The following ITGAM variants were observed in gnomAD, a reference collection of about 807,000 sequenced individuals.
ITGAM encodes integrin subunit alpha M, also known as integrin alpha-M.
A neutral mutation model predicts 137.5 loss-of-function variants in ITGAM; 79 were observed. The ratio of observed to expected loss-of-function variants is 0.57; its 90% CI spans 0.48 to 0.69. The LOEUF (loss-of-function observed/expected upper bound fraction) is 0.69. Ranked by LOEUF, ITGAM falls within the 30% of genes least tolerant of loss-of-function variation. The pLI, the probability that ITGAM is intolerant of heterozygous loss-of-function variation, is 0.00. For synonymous variants in ITGAM, 583 were observed against 592.3 expected, an observed-to-expected ratio of 0.98 and a Z score of 0.23; for missense variants, 1,343 against 1,483.5, an observed-to-expected ratio of 0.91 and a Z score of 1.56.
intron 14 of ITGAM, among the ~76,000 whole-genome samples, chr16:31,304,583 T>C (rs1016445037): frequency 2.6e-5 from 4 of 152,220 alleles, no homozygotes; most frequent in Admixed American, 6.5e-5. Context: ...AGAATTGTTA[T>C]GGTTTCAGGT....
At chr16:31,268,505 T>C (rs1021047191) in intron 5 of ITGAM, among the ~76,000 whole-genome samples, 3 of 151,976 alleles carry the variant, frequency 2.0e-5, no homozygotes, top group Non-Finnish European at 2.9e-5. Context: ...CTACAAAAAA[T>C]GCAATTAGCC....
chr16:31,298,421 AT>A (rs955968143), intron 14 of ITGAM, among the ~76,000 whole-genome samples: 23 of 152,254 alleles, frequency 1.5e-4, no homozygotes, highest in African/African-American at 5.1e-4. Context: ...ATTCACAGAA[AT>A]CTCAAAGACT....
At chr16:31,297,455 A>G in intron 12 of ITGAM, 59 bp from the exon 13 acceptor site, 1 of 1,605,010 alleles carries the variant, frequency 6.2e-7, no homozygotes, top group Admixed American at 1.7e-5. Context: ...AGAGAGAGAA[A>G]ACCTCCACAT....
intron 5 of ITGAM, among the ~76,000 whole-genome samples, chr16:31,270,168 C>CTTTCCTTTCCTTTCA: frequency 2.8e-5 from 1 of 35,096 alleles, no homozygotes; most frequent in South Asian, 4.0e-4. Flanking sequence ...CTTTCCTTTC[C>CTTTCCTTTCCTTTCA]TTTCCTTTCC....
Position 31,329,227 on chromosome 16 carries a change from G to A in ITGAM, c.2793-1G>A, listed in dbSNP as rs1304102887. Reference sequence around the variant, plus strand: ...CTCCTGTCCCTTTTTTCTCCCTTCAGCCATGGGGTCTCCACTAAATATCTC... The same window carrying A: ...CTCCTGTCCCTTTTTTCTCCCTTCAACCATGGGGTCTCCACTAAATATCTC... On this transcript the variant is annotated splice_acceptor_variant, in intron 23 of 29. Transcript: ENST00000544665. LOFTEE classifies it high-confidence loss of function. 19 of 1,609,156 alleles carry A rather than the reference G, an allele frequency of 1.2e-5. No homozygotes were observed. The highest frequency in any genetic ancestry group is 1.5e-5 in the Non-Finnish European group (18 of 1,176,106).
At chr16:31,326,730 A>G (rs2080511765) in intron 21 of ITGAM, 126 bp from the exon 22 acceptor site, 1 of 725,884 alleles carries the variant, frequency 1.4e-6, no homozygotes, top group Admixed American at 2.2e-5. Flanking sequence ...ATTGCTTTTT[A>G]TTTGGTGAAC....
intron 14 of ITGAM, among the ~76,000 whole-genome samples, chr16:31,313,176 C>T (rs2080353743): frequency 6.6e-6 from 1 of 152,068 alleles, no homozygotes; most frequent in South Asian, 2.1e-4. Context: ...CAAGACTGCA[C>T]CACTGCACGC....
At chr16:31,295,879 T>C (rs1202200239) in intron 12 of ITGAM, among the ~76,000 whole-genome samples, 1 of 151,898 alleles carries the variant, frequency 6.6e-6, no homozygotes, top group Non-Finnish European at 1.5e-5. Context: ...CTTTATCATA[T>C]TGAGGTACAT....
intron 12 of ITGAM, among the ~76,000 whole-genome samples, chr16:31,288,691 A>G (rs533370945): frequency 6.6e-6 from 1 of 152,226 alleles, no homozygotes; most frequent in Non-Finnish European, 1.5e-5. Context: ...TCAGGACATA[A>G]GCATGGTCAA....
chr16:31,324,531 A>G lies in ITGAM; in HGVS notation c.2135A>G (p.Glu712Gly). The G allele has an allele frequency of 1.2e-6, 2 of 1,609,050 alleles. No individual in the cohort carries two copies. Among genetic ancestry groups the G allele is most frequent in the Non-Finnish European group, 1.7e-6 (2 of 1,177,770 alleles). Residue 712 changes from glutamate (E) to glycine (G), a missense_variant, in exon 17 of 30, where the codon GAG (glutamate) becomes GGG (glycine). Coordinates refer to ENST00000544665, the MANE Select transcript of ITGAM (RefSeq NM_000632.4). This position sits in a 1 kb window ranked among gnomAD's most constrained non-coding sequence, Gnocchi z 4.5. The stretch of plus-strand genomic sequence containing the variant: ...GTCTTGGGGCTGACCCAGACTTGTG[A>G]GACCCTGAAACTACAGTTGCCGGTG... Reference protein sequence around the residue: ...TQVLGLTQTCETLKLQLPNCI... With the variant: ...TQVLGLTQTCGTLKLQLPNCI...
intron 12 of ITGAM, among the ~76,000 whole-genome samples, chr16:31,293,722 C>A (rs2080107932): frequency 6.6e-6 from 1 of 152,062 alleles, no homozygotes; most frequent in Non-Finnish European, 1.5e-5. Flanking sequence ...TATTCAGGTT[C>A]TTTTTTGATT....
At chr16:31,311,955 A>G (rs1364899889) in intron 14 of ITGAM, among the ~76,000 whole-genome samples, 1 of 152,114 alleles carries the variant, frequency 6.6e-6, no homozygotes, top group Non-Finnish European at 1.5e-5. Context: ...CTACGCAGCC[A>G]TAAAAAAGGA....
intron 5 of ITGAM, among the ~76,000 whole-genome samples, chr16:31,266,862 A>ATTT (rs79448805): frequency 2.8e-5 from 4 of 145,106 alleles, no homozygotes; most frequent in African/African-American, 2.5e-5. Flanking sequence ...GACTGTATGG[A>ATTT]TTTTTTTTTT....
chr16:31,280,753 T>C (rs1275345982), intron 12 of ITGAM, among the ~76,000 whole-genome samples: 1 of 152,198 alleles, frequency 6.6e-6, no homozygotes, highest in East Asian at 1.9e-4. Flanking sequence ...TCCAACACTA[T>C]GTTGAATAGG....
intron 22 of ITGAM, among the ~76,000 whole-genome samples, chr16:31,327,732 G>A (rs919358746): frequency 3.3e-5 from 5 of 152,200 alleles, no homozygotes; most frequent in Non-Finnish European, 5.9e-5. Flanking sequence ...GAAGATCAGG[G>A]TGTGTTTAAG....
chr16:31,328,589 A>G (rs1199490075), intron 23 of ITGAM, among the ~76,000 whole-genome samples: 3 of 133,082 alleles, frequency 2.3e-5, no homozygotes, highest in South Asian at 2.5e-4. Flanking sequence ...GTATTTGTGC[A>G]TGTGTGTGTG....
chr16:31,262,286 T>C, intron 2 of ITGAM, among the ~76,000 whole-genome samples: 2 of 141,186 alleles, frequency 1.4e-5, no homozygotes, highest in African/African-American at 2.7e-5. Flanking sequence ...TTCCTCCCTC[T>C]CTCATTCCCT....
chr16:31,313,346 G>A (rs995386890), intron 14 of ITGAM, among the ~76,000 whole-genome samples: 3 of 152,134 alleles, frequency 2.0e-5, no homozygotes, highest in African/African-American at 7.2e-5. Flanking sequence ...AGCCTCACAT[G>A]CATTAGGTAT....
At chr16:31,320,904 C>G (rs546715500) in intron 14 of ITGAM, among the ~76,000 whole-genome samples, 1 of 152,092 alleles carries the variant, frequency 6.6e-6, no homozygotes, top group Non-Finnish European at 1.5e-5. Context: ...TTGGGCGTGG[C>G]GGCTCACACC....
Sources: allele counts gnomAD v4.1 joint callset (sites outside exome capture counted in the v4.1 genomes callset), GRCh38; gene constraint gnomAD v4.1.1; non-coding constraint Gnocchi (gnomAD v3.1); transcripts MANE v1.5; gene names NCBI Gene and HGNC (gene_info 2026-07-23, HGNC 2026-07-21).